MTSS1: variants seen among roughly 807,000 people sequenced by gnomAD.
MTSS1 encodes the protein MTSS I-BAR domain containing 1, also known as protein MTSS 1.
Under a neutral mutation model 79.0 loss-of-function variants are expected in MTSS1, and 18 were observed. The observed-to-expected ratio is 0.23, with a 90% CI of 0.16 to 0.34. The LOEUF (loss-of-function observed/expected upper bound fraction) is 0.34. Among genes scored for constraint, MTSS1 ranks in the 10% least tolerant of loss-of-function variants. The pLI is 1.00. For synonymous variants in MTSS1, 341 were observed against 368.6 expected (o/e 0.93, Z 0.86); for missense variants, 815 against 986.2 (o/e 0.83, Z 2.33).
intron 3 of MTSS1, among the ~76,000 whole-genome samples, chr8:124,653,403 A>T (rs1432084047): frequency 6.6e-6 from 1 of 152,210 alleles, no homozygotes; most frequent in Non-Finnish European, 1.5e-5. Flanking sequence ...TTGGCATATC[A>T]CCAGAGAAAA....
At chr8:124,594,328 C>T (rs1307560863) in intron 3 of MTSS1, among the ~76,000 whole-genome samples, 4 of 152,126 alleles carry the variant, frequency 2.6e-5, no homozygotes, top group Non-Finnish European at 5.9e-5. Context: ...GTCAGGAGTT[C>T]GAGACCAGCC....
At chr8:124,680,616 A>G (rs1825973652) in intron 3 of MTSS1, among the ~76,000 whole-genome samples, 1 of 152,246 alleles carries the variant, frequency 6.6e-6, no homozygotes, top group Admixed American at 6.5e-5. Context: ...TGTACCTGCT[A>G]TACCAATAGT....
At position 124,727,090 on chromosome 8, in the gene MTSS1, GCGCGCGCACACACACATGCA is replaced by G. The variant is rs1259233087; in HGVS notation, c.72+774_72+793del. Among the ~76,000 whole-genome samples, 11 of 151,812 alleles carry G rather than the reference GCGCGCGCACACACACATGCA, an allele frequency of 7.2e-5. No homozygotes were observed. The South Asian group carries it at 1.5e-3, about 20-fold the overall frequency. On this transcript the variant is annotated intron_variant, in intron 1 of 13. Coordinates refer to ENST00000518547, the MANE Select transcript of MTSS1 (RefSeq NM_014751.6). The surrounding 1 kb of genome is among the most constrained non-coding windows in gnomAD (Gnocchi z 4.7). ...GGTGTTGTTCCCCGCCCCCACGCGC[GCGCGCGCACACACACATGCA>G]CGCGCGCACACACACACCATCTTCA...
chr8:124,645,971 T>A (rs971285676), intron 3 of MTSS1, among the ~76,000 whole-genome samples: 2 of 152,252 alleles, frequency 1.3e-5, no homozygotes, highest in Non-Finnish European at 2.9e-5. Context: ...ATTCCTGCTG[T>A]ATTTCTCCCC....
Position 124,686,208 on chromosome 8 carries a change from C to T in MTSS1, c.208+13318G>A, listed in dbSNP as rs568166787. Among the ~76,000 whole-genome samples the T allele has an allele frequency of 2.6e-5, 4 of 152,312 alleles. No homozygotes were observed. In the South Asian group the frequency reaches 8.3e-4, roughly 32 times the overall value. Reference sequence around the variant, plus strand: ...TGAGCAGGCAGAGGGGGCCTGCAGCCGCCTCCCCATCCAGCTCCGCCTCCC... The same window carrying T: ...TGAGCAGGCAGAGGGGGCCTGCAGCTGCCTCCCCATCCAGCTCCGCCTCCC... On this transcript the variant is annotated intron_variant, in intron 3 of 13. Coordinates refer to ENST00000518547, the MANE Select transcript of MTSS1 (RefSeq NM_014751.6).
chr8:124,593,540 A>G (rs1440427208), intron 3 of MTSS1, among the ~76,000 whole-genome samples: 1 of 152,260 alleles, frequency 6.6e-6, no homozygotes, highest in African/African-American at 2.4e-5. Flanking sequence ...AATCAACCAT[A>G]GAGCACCACC....
chr8:124,723,411 G>A (rs1156786482), intron 1 of MTSS1, among the ~76,000 whole-genome samples: 1 of 152,152 alleles, frequency 6.6e-6, no homozygotes. Flanking sequence ...TTGATTTGGA[G>A]CATTACAAAC....
At chr8:124,701,511 C>T (rs770687922) in intron 2 of MTSS1, among the ~76,000 whole-genome samples, 29 of 152,184 alleles carry the variant, frequency 1.9e-4, no homozygotes, top group Non-Finnish European at 1.5e-5. Context: ...ACATCAAACA[C>T]AAACCCTGGA....
intron 3 of MTSS1, among the ~76,000 whole-genome samples, chr8:124,687,363 C>A (rs911287232): frequency 6.6e-6 from 1 of 152,144 alleles, no homozygotes; most frequent in Non-Finnish European, 1.5e-5. Flanking sequence ...GCAGTTCCAG[C>A]ACAAGCAACA....
intron 10 of MTSS1, 172 bp from the exon 11 acceptor site, chr8:124,558,047 G>T (rs941102567): frequency 6.9e-6 from 4 of 577,142 alleles, no homozygotes; most frequent in Non-Finnish European, 1.2e-5. Context: ...CAAGAGAAAA[G>T]AGCCGGGGTG....
chr8:124,618,461 G>A (rs930817957), intron 3 of MTSS1, among the ~76,000 whole-genome samples: 1 of 152,254 alleles, frequency 6.6e-6, no homozygotes, highest in African/African-American at 2.4e-5. Context: ...GGCAGGGTCT[G>A]TGTACCAATT....
intron 3 of MTSS1, among the ~76,000 whole-genome samples, chr8:124,616,146 A>G (rs753465157): frequency 1.4e-4 from 21 of 152,348 alleles, no homozygotes; most frequent in Middle Eastern, 3.4e-3. Context: ...CACATTCAAC[A>G]TGAACATGCA....
intron 3 of MTSS1, among the ~76,000 whole-genome samples, chr8:124,621,475 A>G (rs745784654): frequency 1.1e-4 from 16 of 152,178 alleles, no homozygotes; most frequent in Non-Finnish European, 1.8e-4. Context: ...CCAGGGGGGC[A>G]TCAGTACCGT....
intron 8 of MTSS1, 107 bp from the exon 9 acceptor site, chr8:124,565,866 G>A: frequency 1.1e-6 from 1 of 885,524 alleles, no homozygotes; most frequent in Non-Finnish European, 1.7e-6. Flanking sequence ...CGTGGGGGTG[G>A]GAATGAAAGC....
Position 124,559,541 on chromosome 8 carries a change from T to G in MTSS1, c.1036-1666A>C, listed in dbSNP as rs146462590. 6.4e-3 allele frequency among the ~76,000 whole-genome samples: 976 copies of G among 152,278 alleles called. 9 individuals are homozygous for G. Among genetic ancestry groups the G allele is most frequent in the Non-Finnish European group, 0.01 (692 of 68,022 alleles). ...TGAACCATCTCTGGAGAGGTCTCAT[T>G]TGGGAAACCATCGCTTTACACTGAT... On this transcript the variant is annotated intron_variant, in intron 10 of 13. Coordinates refer to ENST00000518547, the MANE Select transcript of MTSS1 (RefSeq NM_014751.6).
chr8:124,558,817 C>A, intron 10 of MTSS1: 1 of 1,563,632 alleles, frequency 6.4e-7, no homozygotes, highest in Non-Finnish European at 8.6e-7. Context: ...TCGGAGGAGG[C>A]CGAGCTGGAC....
chr8:124,716,511 T>C (rs986195169), intron 1 of MTSS1, among the ~76,000 whole-genome samples: 1 of 152,146 alleles, frequency 6.6e-6, no homozygotes, highest in African/African-American at 2.4e-5. Context: ...GCACTCCCAC[T>C]TCCACCTACT....
At chr8:124,713,396 T>C (rs537741104) in intron 1 of MTSS1, among the ~76,000 whole-genome samples, 19 of 152,306 alleles carry the variant, frequency 1.2e-4, no homozygotes, top group African/African-American at 4.6e-4. Flanking sequence ...TCCCTCTCCT[T>C]TTTCATCCCC....
intron 3 of MTSS1, among the ~76,000 whole-genome samples, chr8:124,628,825 G>A (rs918572574): frequency 1.3e-5 from 2 of 152,154 alleles, no homozygotes; most frequent in African/African-American, 4.8e-5. Flanking sequence ...GGAAACTGAG[G>A]CTAAGAGAAA....
Sources: allele counts gnomAD v4.1 joint callset (sites outside exome capture counted in the v4.1 genomes callset), GRCh38; gene constraint gnomAD v4.1.1; non-coding constraint Gnocchi (gnomAD v3.1); transcripts MANE v1.5; gene names NCBI Gene and HGNC (gene_info 2026-07-23, HGNC 2026-07-21).